AGO1: variants seen among roughly 807,000 people sequenced by gnomAD.
AGO1 encodes protein argonaute-1.
A neutral mutation model predicts 109.2 loss-of-function variants in AGO1; 11 were observed. The observed-to-expected ratio is 0.10, with a 90% CI of 0.06 to 0.17. The LOEUF (loss-of-function observed/expected upper bound fraction) is 0.17, where lower values mean the gene tolerates loss of function less well. AGO1 is among the 10% of genes least tolerant of loss of function. The pLI, the probability that AGO1 is intolerant of heterozygous loss-of-function variation, is 1.00. For synonymous variants in AGO1, 422 were observed against 418.6 expected (o/e 1.01, Z -0.10); for missense variants, 574 against 1,140.3 (o/e 0.50, Z 7.15).
At position 35,914,238 on chromosome 1, in the gene AGO1, C is replaced by T. The variant is rs150639776; in HGVS notation, c.1797C>T (p.Pro599=). ...TCCTGGGAGCAGATGTTACACACCC[C>T]CCAGCAGGGGATGGGAAAAAACCTT... ...VIFLGADVTH[P]PAGDGKKPSI... is the part of the protein sequence containing the mutation. The change falls in exon 14 of 19, where the codon CCC becomes CCT. Residue 599 remains proline, a synonymous_variant. Coordinates refer to ENST00000373204, the MANE Select transcript of AGO1 (RefSeq NM_012199.5). 2.5e-6 allele frequency: 4 copies of T among 1,614,076 alleles called. No individual in the cohort carries two copies. In the African/African-American group the frequency reaches 4.0e-5, roughly 16 times the overall value.
At chr1:35,914,026 C>T (rs1417842826) in intron 13 of AGO1, 25 bp downstream of exon 13, 5 of 1,613,340 alleles carry the variant, frequency 3.1e-6, no homozygotes, top group South Asian at 2.2e-5. Flanking sequence ...GTCCACTTGC[C>T]CTTGTCAAGG....
At chr1:35,913,696 C>T in intron 12 of AGO1, 146 bp from the exon 13 acceptor site, 2 of 701,648 alleles carry the variant, frequency 2.9e-6, no homozygotes, top group East Asian at 2.9e-5. Context: ...AAATTAGTCC[C>T]TATTTAGTAA....
chr1:35,913,628 T>G (rs1199126319), intron 12 of AGO1, among the ~76,000 whole-genome samples: 1 of 152,166 alleles, frequency 6.6e-6, no homozygotes, highest in Non-Finnish European at 1.5e-5. Flanking sequence ...ATGCTGTTAT[T>G]GTTCCATGAA....
At chr1:35,878,716 A>AT (rs1645011614), upstream of AGO1, among the ~76,000 whole-genome samples, 1 of 152,214 alleles carries the variant, frequency 6.6e-6, no homozygotes, top group East Asian at 1.9e-4. Context: ...AGATTTTCTC[A>AT]TACAAATCAC....
intron 16 of AGO1, 92 bp downstream of exon 16, chr1:35,917,819 T>A (rs1645761967): frequency 2.0e-6 from 3 of 1,522,180 alleles, no homozygotes; most frequent in Non-Finnish European, 2.7e-6. Flanking sequence ...GGGGATTTAG[T>A]CCTTGTCCTA....
In AGO1 at chr1:35,921,914, C is replaced by T. The variant is rs1645840310; in HGVS notation, c.*2307C>T. 1 of 152,734 alleles carries T rather than the reference C, an allele frequency of 6.5e-6. No homozygotes were observed. Among genetic ancestry groups the T allele is most frequent in the Non-Finnish European group, 1.5e-5 (1 of 68,100 alleles). 9.5% of individuals were successfully genotyped at this position (152,734 alleles called of 1,614,324 possible). A position where few individuals can be genotyped will look rare whatever the true frequency, so the allele number is the denominator to read the frequency against. The stretch of plus-strand genomic sequence containing the variant: ...CCTAAAGAGAGTGATGCTAACACTC[C>T]ATCTGCCCTGTCCATTGCCTTCATA... On this transcript the variant is annotated 3_prime_UTR_variant, in exon 19 of 19. Coordinates refer to ENST00000373204, the MANE Select transcript of AGO1 (RefSeq NM_012199.5).
At chr1:35,872,954 A>G (rs1054411812) in intron 1 of AGO1, among the ~76,000 whole-genome samples, 11 of 150,052 alleles carry the variant, frequency 7.3e-5, no homozygotes, top group African/African-American at 2.5e-4. Flanking sequence ...GGGCCTTGCT[A>G]TTTTTCCCAG....
At chr1:35,916,854 C>T (rs1030680301) in intron 15 of AGO1, among the ~76,000 whole-genome samples, 8 of 152,288 alleles carry the variant, frequency 5.3e-5, no homozygotes, top group African/African-American at 7.2e-5. Context: ...AATTGTCTAT[C>T]GTAGTCTTCT....
chr1:35,894,285 T>G, intron 6 of AGO1, 30 bp from the exon 7 acceptor site: 1 of 1,613,280 alleles, frequency 6.2e-7, no homozygotes, highest in African/African-American at 1.3e-5. Flanking sequence ...CAACCTATTT[T>G]AGCCCTGACA....
At chr1:35,881,115 A>C (rs987792876), upstream of AGO1, among the ~76,000 whole-genome samples, 1 of 152,208 alleles carries the variant, frequency 6.6e-6, no homozygotes, top group South Asian at 2.1e-4. Flanking sequence ...CAGGGCCAAT[A>C]TTGAAACCGA....
chr1:35,917,724 G>A lies in AGO1; in HGVS notation c.2160G>A (p.Glu720=). ...HTRLFCADKN[E]RIGKSGNIPA... ...GCCTTTTCTGTGCTGACAAGAATGAGCGAGTGAGTGAGGGACTGAGGCCTC... is the reference window on the plus strand; with the variant it reads ...GCCTTTTCTGTGCTGACAAGAATGAACGAGTGAGTGAGGGACTGAGGCCTC... The change falls in exon 16 of 19, where the codon GAG becomes GAA. Residue 720 remains glutamate (E), a synonymous_variant. Transcript: ENST00000373204. 6.2e-7 allele frequency: 1 copy of A among 1,612,794 alleles called. No individual in the cohort carries two copies. Among genetic ancestry groups the A allele is most frequent in the Non-Finnish European group, 8.5e-7 (1 of 1,178,964 alleles).
chr1:35,870,528 A>C (rs1034149491), intron 1 of AGO1, among the ~76,000 whole-genome samples: 5 of 152,004 alleles, frequency 3.3e-5, no homozygotes, highest in Non-Finnish European at 7.4e-5. Context: ...CGTGATCTGC[A>C]CGCCTCGCCT....
chr1:35,880,762 C>T (rs759573345), upstream of AGO1, among the ~76,000 whole-genome samples: 9 of 152,096 alleles, frequency 5.9e-5, no homozygotes, highest in Non-Finnish European at 8.8e-5. Flanking sequence ...CAGGTTCAAG[C>T]GATTCTTGTG....
At chr1:35,890,199 T>C in intron 2 of AGO1, among the ~76,000 whole-genome samples, 1 of 151,778 alleles carries the variant, frequency 6.6e-6, no homozygotes, top group East Asian at 1.9e-4. Context: ...ATTTTTGTAT[T>C]TTTAGTAGAG....
At chr1:35,880,050 G>C (rs1369297708), upstream of AGO1, among the ~76,000 whole-genome samples, 1 of 152,092 alleles carries the variant, frequency 6.6e-6, no homozygotes, top group Non-Finnish European at 1.5e-5. Context: ...AGAGTTTTTT[G>C]AGAGTTTTTC....
At chr1:35,910,479 G>A (rs975006392) in intron 12 of AGO1, among the ~76,000 whole-genome samples, 8 of 151,990 alleles carry the variant, frequency 5.3e-5, no homozygotes, top group Admixed American at 2.0e-4. Context: ...GTGTCACAGC[G>A]TAACCAGCAC....
intron 8 of AGO1, among the ~76,000 whole-genome samples, chr1:35,900,812 A>G (rs1446564876): frequency 1.3e-5 from 2 of 152,082 alleles, no homozygotes; most frequent in Non-Finnish European, 2.9e-5. Flanking sequence ...TGGGAGGCTA[A>G]GGCAGGAGAA....
At chr1:35,908,912 A>T (rs1645580162) in intron 12 of AGO1, among the ~76,000 whole-genome samples, 1 of 143,584 alleles carries the variant, frequency 7.0e-6, no homozygotes, top group Admixed American at 7.5e-5. Context: ...TCCACCTCCC[A>T]GGTTCAAGTG....
intron 1 of AGO1, among the ~76,000 whole-genome samples, chr1:35,884,291 T>C (rs1645084005): frequency 6.6e-6 from 1 of 152,120 alleles, no homozygotes; most frequent in South Asian, 2.1e-4. Flanking sequence ...CAGGAAAGAC[T>C]GGGACCGAAG....
Sources: allele counts gnomAD v4.1 joint callset (sites outside exome capture counted in the v4.1 genomes callset), GRCh38; gene constraint gnomAD v4.1.1; transcripts MANE v1.5; gene names NCBI Gene and HGNC (gene_info 2026-07-23, HGNC 2026-07-21).